CEP112: variants seen among roughly 807,000 people sequenced by gnomAD.
The protein encoded by CEP112 is centrosomal protein of 112 kDa.
CEP112 carries 127 observed loss-of-function variants against 153.0 expected under a neutral mutation model. The observed-to-expected ratio is 0.83, with a 90% CI of 0.72 to 0.96. CEP112 has a LOEUF of 0.96. CEP112 is among the 40% of genes least tolerant of loss of function. The probability of loss-of-function intolerance (pLI) is 0.00; values close to 1 mark genes in which losing one functional copy is unlikely to be tolerated. For missense variants in CEP112, 1,089 were observed against 1,101.2 expected (o/e 0.99, Z 0.16); for synonymous variants, 358 against 374.4 (o/e 0.96, Z 0.51).
chr17:65,775,935 G>A (rs1270392933), intron 21 of CEP112, among the ~76,000 whole-genome samples: 1 of 152,200 alleles, frequency 6.6e-6, no homozygotes, highest in Non-Finnish European at 1.5e-5. Context: ...TTTTAAATCC[G>A]TTCAATTAAT....
At chr17:65,827,453 C>A (rs1035694049) in intron 21 of CEP112, among the ~76,000 whole-genome samples, 8 of 152,096 alleles carry the variant, frequency 5.3e-5, no homozygotes, top group African/African-American at 1.9e-4. Context: ...AAAAATATAT[C>A]CAGAATATGA....
chr17:65,898,439 T>C (rs2059731332), intron 20 of CEP112, among the ~76,000 whole-genome samples: 1 of 152,126 alleles, frequency 6.6e-6, no homozygotes, highest in Admixed American at 6.6e-5. Context: ...TCAATATCTT[T>C]CCAGGAAAAC....
intron 18 of CEP112, among the ~76,000 whole-genome samples, chr17:65,934,715 T>A (rs1316433423): frequency 1.3e-5 from 2 of 152,120 alleles, no homozygotes; most frequent in African/African-American, 4.8e-5. Flanking sequence ...CAAATAGAAA[T>A]GAAAAGAGAG....
At chr17:65,740,212 A>G (rs1463800175) in intron 23 of CEP112, among the ~76,000 whole-genome samples, 1 of 152,164 alleles carries the variant, frequency 6.6e-6, no homozygotes, top group African/African-American at 2.4e-5. Context: ...CACAGTTTTC[A>G]GTGTATTTGC....
intron 12 of CEP112, among the ~76,000 whole-genome samples, chr17:66,035,008 A>ATATATATATTTT (rs1454121288): frequency 5.5e-5 from 4 of 72,340 alleles, no homozygotes; most frequent in Admixed American, 2.1e-4. Flanking sequence ...ATATATATAT[A>ATATATATATTTT]TTTTTTTTTT....
intron 23 of CEP112, among the ~76,000 whole-genome samples, chr17:65,722,701 C>T (rs905542731): frequency 2.0e-5 from 3 of 152,152 alleles, no homozygotes; most frequent in Non-Finnish European, 4.4e-5. Context: ...TTGTTAAGAA[C>T]AGAAGAAGAA....
chr17:66,170,280 C>T (rs2072188990), intron 4 of CEP112, among the ~76,000 whole-genome samples: 1 of 152,104 alleles, frequency 6.6e-6, no homozygotes, highest in South Asian at 2.1e-4. Flanking sequence ...AGGTCTTTAT[C>T]AGACCTCCAT....
At chr17:66,039,831 C>T (rs1550649) in intron 12 of CEP112, among the ~76,000 whole-genome samples, 62,498 of 151,930 alleles carry the variant, frequency 0.41, 14,325 homozygotes, top group East Asian at 0.87. Context: ...TGGAATCACA[C>T]AGTATGTAAC....
intron 11 of CEP112, 85 bp downstream of exon 11, chr17:66,062,878 T>G: frequency 4.7e-6 from 3 of 640,958 alleles, no homozygotes; most frequent in Non-Finnish European, 7.6e-6. Flanking sequence ...CTGTATATTC[T>G]GTGAAATCTA....
chr17:65,965,267 C>A (rs1396912808), intron 17 of CEP112, among the ~76,000 whole-genome samples: 1 of 152,092 alleles, frequency 6.6e-6, no homozygotes, highest in Non-Finnish European at 1.5e-5. Context: ...AAACCTTGCA[C>A]AATAAGGCAC....
At chr17:66,094,006 C>T (rs777906823) in intron 8 of CEP112, among the ~76,000 whole-genome samples, 4 of 151,980 alleles carry the variant, frequency 2.6e-5, no homozygotes, top group Non-Finnish European at 5.9e-5. Context: ...GAACAGGGAA[C>T]CCAGAAATAA....
chr17:66,127,396 A>G (rs1428298630), intron 6 of CEP112, among the ~76,000 whole-genome samples: 1 of 152,216 alleles, frequency 6.6e-6, no homozygotes, highest in African/African-American at 2.4e-5. Flanking sequence ...CTTCTCCCAC[A>G]CTGGTAACAG....
At chr17:65,987,152 C>A (rs575180964) in intron 17 of CEP112, among the ~76,000 whole-genome samples, 1 of 151,816 alleles carries the variant, frequency 6.6e-6, no homozygotes, top group Non-Finnish European at 1.5e-5. Flanking sequence ...TATGAGGAAT[C>A]GTAAAGAAGA....
At chr17:65,708,564 C>T (rs559726233) in intron 23 of CEP112, among the ~76,000 whole-genome samples, 197 of 152,270 alleles carry the variant, frequency 1.3e-3, no homozygotes, top group African/African-American at 4.5e-3. Flanking sequence ...AGAAGCTTCT[C>T]TCTCTCATCT....
intron 20 of CEP112, among the ~76,000 whole-genome samples, chr17:65,882,673 A>G (rs1208629436): frequency 6.6e-6 from 1 of 152,232 alleles, no homozygotes; most frequent in Non-Finnish European, 1.5e-5. Context: ...TCTGGAAGAC[A>G]CAAACATGCA....
intron 4 of CEP112, 67 bp from the exon 5 acceptor site, chr17:66,132,830 G>T: frequency 9.8e-7 from 1 of 1,019,998 alleles, no homozygotes; most frequent in East Asian, 2.4e-5. Context: ...TTAGAATCTA[G>T]GATTACCATT....
At chr17:65,906,383 G>A (rs1484799959) in intron 19 of CEP112, among the ~76,000 whole-genome samples, 1 of 151,886 alleles carries the variant, frequency 6.6e-6, no homozygotes, top group East Asian at 1.9e-4. Flanking sequence ...AAATCTGCAG[G>A]TTCTGCACAT....
At chr17:66,153,869 A>T (rs1356825099) in intron 4 of CEP112, among the ~76,000 whole-genome samples, 2 of 152,110 alleles carry the variant, frequency 1.3e-5, no homozygotes, top group Non-Finnish European at 2.9e-5. Flanking sequence ...GGTTTACACA[A>T]ATGGTGCCAA....
At chr17:66,018,506 T>C (rs1198944164) in intron 16 of CEP112, among the ~76,000 whole-genome samples, 1 of 152,200 alleles carries the variant, frequency 6.6e-6, no homozygotes. Context: ...TGCTATGACC[T>C]CTGCTTCCCA....
Sources: allele counts gnomAD v4.1 joint callset (sites outside exome capture counted in the v4.1 genomes callset), GRCh38; gene constraint gnomAD v4.1.1; transcripts MANE v1.5; gene names NCBI Gene and HGNC (gene_info 2026-07-23, HGNC 2026-07-21).